PRKDC: variants seen among roughly 807,000 people sequenced by gnomAD.
PRKDC encodes protein kinase, DNA-activated, catalytic subunit.
In PRKDC, 82 loss-of-function variants were observed where a neutral mutation model predicts 486.9. That is an observed-to-expected ratio of 0.17 (90% confidence interval 0.14 to 0.20). The LOEUF is 0.20. Ranked by LOEUF, PRKDC falls within the 10% of genes least tolerant of loss-of-function variation. The probability of loss-of-function intolerance (pLI) is 1.00; values close to 1 mark genes in which losing one functional copy is unlikely to be tolerated. For missense variants in PRKDC, 4,504 were observed against 5,038.2 expected, an observed-to-expected ratio of 0.89 and a Z score of 3.21; for synonymous variants, 1,895 against 1,837.0, an observed-to-expected ratio of 1.03 and a Z score of -0.81.
At chr8:47,826,552 T>TGTA in intron 63 of PRKDC, 104 bp downstream of exon 63, 16 of 1,162,074 alleles carry the variant, frequency 1.4e-5, no homozygotes, top group Non-Finnish European at 1.9e-5. Context: ...TTAGTGTTAC[T>TGTA]ATCAACTTTA....
chr8:47,804,225 C>A (rs1266264639), intron 69 of PRKDC, among the ~76,000 whole-genome samples: 1 of 151,766 alleles, frequency 6.6e-6, no homozygotes, highest in Non-Finnish European at 1.5e-5. Context: ...TAGGTTCATG[C>A]ATGTTGCAGC....
chr8:47,847,141 A>T (rs756815231), intron 54 of PRKDC, among the ~76,000 whole-genome samples: 16 of 152,262 alleles, frequency 1.1e-4, no homozygotes, highest in Non-Finnish European at 2.2e-4. Context: ...GGAAAAAACT[A>T]TTCTAAAATT....
Position 47,885,959 on chromosome 8 carries a change from C to G in PRKDC, c.4761G>C (p.Val1587=). The G allele has an allele frequency of 6.2e-7, 1 of 1,613,116 alleles. No homozygotes were observed. The highest frequency in any genetic ancestry group is 8.5e-7 in the Non-Finnish European group (1 of 1,179,346). Residue 1587 remains valine, a synonymous_variant, in exon 36 of 86, where the codon GTG becomes GTC. Coordinates refer to ENST00000314191, the MANE Select transcript of PRKDC (RefSeq NM_006904.7). ...ACTTTGTTACCATTTTGGTATTATC[C>G]ACTGAAGACTGCATGAGCTCCAATA... ...LAVLELMQSS[V]DNTKMVSAVL...
rs776307889 is a variant in PRKDC at position 47,803,319 on chromosome 8, T to C, written c.9909A>G (p.Thr3303=). The change falls in exon 70 of 86, where the codon ACA becomes ACG. Residue 3303 remains threonine, a synonymous_variant. Transcript: ENST00000314191. The part of the protein sequence containing the change: ...CSEQVLTVLK[T]VSLLDENNVS... Reference sequence around the variant, plus strand: ...CGGTCAACTTACCCAACAAAGAGACTGTTTTCAGCACAGTGAGCACCTGCT... The same window carrying C: ...CGGTCAACTTACCCAACAAAGAGACCGTTTTCAGCACAGTGAGCACCTGCT... The C allele has an allele frequency of 6.2e-7, 1 of 1,607,788 alleles. No individual in the cohort carries two copies. Among genetic ancestry groups the C allele is most frequent in the Non-Finnish European group, 8.5e-7 (1 of 1,177,088 alleles).
At chr8:47,794,975 G>A (rs186587940) in intron 73 of PRKDC, among the ~76,000 whole-genome samples, 3 of 152,146 alleles carry the variant, frequency 2.0e-5, no homozygotes, top group African/African-American at 4.8e-5. Context: ...TGCAACCTCC[G>A]CCTCCTGGGT....
rs774765980 is a variant in PRKDC, at chr8:47,893,211, G to A, written c.3775C>T (p.Leu1259=). 3 of 1,612,960 alleles carry A rather than the reference G, an allele frequency of 1.9e-6. No homozygotes were observed. The highest frequency in any genetic ancestry group is 2.7e-5 in the African/African-American group (2 of 74,914). Residue 1259 remains leucine (L), a synonymous_variant, in exon 31 of 86, where the codon CTG becomes TTG. Transcript: ENST00000314191. ...SLQATLCWLD[L]LLAALECYNT... is the part of the protein sequence containing the mutation. ...TAGCACTCCAACGCGGCCAGGAGCA[G>A]GTCCAGCCAGCATAGCGTGGCCTGC...
chr8:47,804,763 T>C (rs2087184509), intron 69 of PRKDC, among the ~76,000 whole-genome samples: 1 of 152,108 alleles, frequency 6.6e-6, no homozygotes, highest in African/African-American at 2.4e-5. Flanking sequence ...TCAACTGTTT[T>C]GTTTTGTTTT....
intron 76 of PRKDC, among the ~76,000 whole-genome samples, chr8:47,787,949 G>GA (rs1366490561): frequency 6.6e-6 from 1 of 152,192 alleles, no homozygotes; most frequent in Non-Finnish European, 1.5e-5. Context: ...AGGACCATGT[G>GA]AATTATATAG....
chr8:47,833,584 C>T (rs1429056695), intron 59 of PRKDC, among the ~76,000 whole-genome samples: 1 of 152,106 alleles, frequency 6.6e-6, no homozygotes, highest in Non-Finnish European at 1.5e-5. Context: ...ATTCAGTCCC[C>T]GTGCCTTCCT....
chr8:47,850,639 T>G (rs907142173), intron 52 of PRKDC, among the ~76,000 whole-genome samples: 2 of 152,284 alleles, frequency 1.3e-5, no homozygotes, highest in Non-Finnish European at 2.9e-5. Context: ...TAATCAGATG[T>G]CTTTTTATTA....
chr8:47,910,186 T>C (rs2089871297), intron 25 of PRKDC, among the ~76,000 whole-genome samples: 1 of 152,170 alleles, frequency 6.6e-6, no homozygotes, highest in South Asian at 2.1e-4. Context: ...TACTGGGGGC[T>C]GGTTCCCCCA....
intron 63 of PRKDC, among the ~76,000 whole-genome samples, chr8:47,824,404 T>C (rs1291009412): frequency 1.6e-5 from 2 of 126,144 alleles, no homozygotes; most frequent in South Asian, 2.6e-4. Context: ...ACCCAGGAGG[T>C]GGAGGTTGCA....
intron 1 of PRKDC, among the ~76,000 whole-genome samples, chr8:47,959,709 GC>G (rs1253013378): frequency 2.6e-5 from 4 of 151,804 alleles, no homozygotes; most frequent in Non-Finnish European, 4.4e-5. Flanking sequence ...CTCTTGCCCT[GC>G]CCCCCACTCT....
At chr8:47,937,925 T>G (rs992716876) in intron 11 of PRKDC, among the ~76,000 whole-genome samples, 3 of 151,956 alleles carry the variant, frequency 2.0e-5, no homozygotes, top group African/African-American at 7.3e-5. Flanking sequence ...GAACAGTCTG[T>G]GTAACGAAGT....
chr8:47,850,706 C>T (rs1041706014), intron 52 of PRKDC, among the ~76,000 whole-genome samples: 3 of 152,156 alleles, frequency 2.0e-5, no homozygotes, highest in African/African-American at 7.2e-5. Context: ...GTAAAGAAAG[C>T]AAGTTATAAA....
chr8:47,888,785 G>C, intron 33 of PRKDC, 135 bp from the exon 34 acceptor site: 3 of 1,303,336 alleles, frequency 2.3e-6, no homozygotes, highest in African/African-American at 1.5e-5. Flanking sequence ...CACTAAGCTA[G>C]CATGGAGATC....
At chr8:47,928,447 C>G (rs577914594) in intron 19 of PRKDC, among the ~76,000 whole-genome samples, 4 of 152,114 alleles carry the variant, frequency 2.6e-5, no homozygotes, top group Non-Finnish European at 5.9e-5. Context: ...ACCAAAGTGC[C>G]TGGCTGAGGG....
chr8:47,834,992 CT>C (rs1487324095), intron 58 of PRKDC, among the ~76,000 whole-genome samples: 2 of 152,128 alleles, frequency 1.3e-5, no homozygotes, highest in African/African-American at 2.4e-5. Context: ...GCCCGGCCCC[CT>C]GACTTCTAAT....
intron 51 of PRKDC, among the ~76,000 whole-genome samples, chr8:47,853,850 T>C (rs1206981461): frequency 2.0e-5 from 3 of 152,202 alleles, no homozygotes; most frequent in East Asian, 1.9e-4. Context: ...TTTTTTGGTA[T>C]AGATGCGGTC....
Sources: gnomAD v4.1 joint callset for allele counts (sites outside exome capture counted in the v4.1 genomes callset) on GRCh38, gnomAD v4.1.1 for gene constraint, MANE v1.5 for transcripts, NCBI Gene and HGNC (gene_info 2026-07-23, HGNC 2026-07-21) for gene names.